TVP23A: variants seen among roughly 807,000 people sequenced by gnomAD.
TVP23A encodes the protein trans-golgi network vesicle protein 23 homolog A, also known as Golgi apparatus membrane protein TVP23 homolog A.
Under a neutral mutation model 31.7 loss-of-function variants are expected in TVP23A, and 21 were observed. The observed-to-expected ratio is 0.66, with a 90% CI of 0.47 to 0.95. The LOEUF is 0.95. TVP23A is among the 40% of genes least tolerant of loss of function. The probability of loss-of-function intolerance (pLI) is 0.00; values close to 1 mark genes in which losing one functional copy is unlikely to be tolerated. For missense variants in TVP23A, 279 were observed against 255.6 expected (o/e 1.09, Z -0.62); for synonymous variants, 104 against 96.0 (o/e 1.08, Z -0.49).
At position 10,767,271 on chromosome 16, in the gene TVP23A, G is replaced by C. The variant is rs1189232094; in HGVS notation, c.*1831C>G. On this transcript the variant is annotated 3_prime_UTR_variant, in exon 8 of 8. Transcript: ENST00000299866. This position sits in a 1 kb window ranked among gnomAD's most constrained non-coding sequence, Gnocchi z 4.6. ...CTAGCCCCTTGTGTCCTGTCCACCT[G>C]GCTCTGGGATAACATGGTCCTAGAG... is the stretch of plus-strand genomic sequence containing the variant. 5.0e-6 allele frequency: 2 copies of C among 398,996 alleles called. No individual in the cohort carries two copies. The highest frequency in any genetic ancestry group is 4.4e-5 in the Admixed American group (1 of 22,720). 24.7% of individuals were successfully genotyped at this position (398,996 alleles called of 1,614,324 possible).
intron 2 of TVP23A, among the ~76,000 whole-genome samples, chr16:10,791,859 C>T (rs1261188023): frequency 6.6e-6 from 1 of 152,240 alleles, no homozygotes; most frequent in Admixed American, 6.5e-5. Context: ...TCATGATCCG[C>T]CCGCCTCGGC....
chr16:10,762,895 A>T (rs985915780), downstream of TVP23A, among the ~76,000 whole-genome samples: 1 of 148,126 alleles, frequency 6.8e-6, no homozygotes, highest in African/African-American at 2.4e-5. Flanking sequence ...GAAGGGCTGC[A>T]TGGGGAGAAT....
intron 2 of TVP23A, among the ~76,000 whole-genome samples, chr16:10,811,908 A>T (rs1264796091): frequency 4.6e-5 from 7 of 150,778 alleles, no homozygotes; most frequent in Admixed American, 4.6e-4. Context: ...CGTCTCAAAA[A>T]AAAAAAAAAA....
At position 10,777,120 on chromosome 16, in the gene TVP23A, C is replaced by A. The variant is rs1220268258; in HGVS notation, c.90-2024G>T. 2.6e-5 allele frequency among the ~76,000 whole-genome samples: 4 copies of A among 152,142 alleles called. No individual in the cohort carries two copies. The highest frequency in any genetic ancestry group is 5.9e-5 in the Non-Finnish European group (4 of 68,040). ...TTCAAGATGGAGTTGCTCTGGTTCA[C>A]ACGCCTCTGACACAGTGATGGATGA... On this transcript the variant is annotated intron_variant, in intron 2 of 7. Transcript: ENST00000299866. The surrounding 1 kb of genome is among the most constrained non-coding windows in gnomAD (Gnocchi z 4.5).
chr16:10,797,576 C>A (rs1431542084), intron 2 of TVP23A, among the ~76,000 whole-genome samples: 3 of 149,762 alleles, frequency 2.0e-5, no homozygotes, highest in Admixed American at 2.0e-4. Context: ...TGATTCTTAT[C>A]AAAAATTAGC....
intron 2 of TVP23A, among the ~76,000 whole-genome samples, chr16:10,804,705 C>A (rs533462225): frequency 6.6e-6 from 1 of 152,178 alleles, no homozygotes; most frequent in South Asian, 2.1e-4. Flanking sequence ...GTGATCATGC[C>A]ACTGCACTCC....
rs747824690 is a variant in TVP23A at position 10,773,307 on chromosome 16, C to A, written c.453+6G>T. The A allele has an allele frequency of 1.9e-6, 3 of 1,600,106 alleles. No individual in the cohort carries two copies. The highest frequency in any genetic ancestry group is 2.6e-6 in the Non-Finnish European group (3 of 1,175,966). ...AAGCAATGTGGAAGTCAAGATCTGG[C>A]CTTACCAGCCACTTTAGCTTCAAGG... On this transcript the variant is annotated splice_donor_region_variant and intron_variant, in intron 5 of 7. Transcript: ENST00000299866.
chr16:10,810,724 C>T (rs2034158291), intron 2 of TVP23A, among the ~76,000 whole-genome samples: 1 of 152,094 alleles, frequency 6.6e-6, no homozygotes. Flanking sequence ...GACATCATAC[C>T]TCCTGGTTTT....
In TVP23A at chr16:10,818,660, G is replaced by T. The variant is rs967848130; in HGVS notation, c.-167C>A. On this transcript the variant is annotated 5_prime_UTR_variant, in exon 1 of 8. Transcript: ENST00000299866. The surrounding 1 kb of genome is among the most constrained non-coding windows in gnomAD (Gnocchi z 4.7). ...GCCTCAGCGCAGCTTCTCGGGTGGG[G>T]CGGGGCGCTCGGGGCCTAAGGCGCA... 5 of 824,102 alleles carry T rather than the reference G, an allele frequency of 6.1e-6. No homozygotes were observed. Among genetic ancestry groups the T allele is most frequent in the African/African-American group, 5.5e-5 (3 of 54,612 alleles). The allele number at this position is 824,102 out of a possible 1,614,324, so 51.0% of individuals were successfully genotyped here.
intron 2 of TVP23A, chr16:10,808,696 G>C (rs2034057031): frequency 2.8e-6 from 1 of 363,624 alleles, no homozygotes. Flanking sequence ...AGGATTGCTT[G>C]AGCTCAGGGG....
intron 2 of TVP23A, among the ~76,000 whole-genome samples, chr16:10,806,472 C>T (rs1459376486): frequency 1.3e-5 from 2 of 152,168 alleles, no homozygotes; most frequent in African/African-American, 4.8e-5. Flanking sequence ...GGTCACAGGT[C>T]AGCAGAAATC....
chr16:10,806,647 G>A (rs1026684158), intron 2 of TVP23A, among the ~76,000 whole-genome samples: 14 of 152,016 alleles, frequency 9.2e-5, no homozygotes, highest in African/African-American at 2.9e-4. Flanking sequence ...GATTACAGGC[G>A]CCTGCCATCA....
At chr16:10,758,604 G>A (rs1336566384), downstream of TVP23A, among the ~76,000 whole-genome samples, 1 of 152,120 alleles carries the variant, frequency 6.6e-6, no homozygotes, top group Non-Finnish European at 1.5e-5. Flanking sequence ...AACTTTCCTT[G>A]AGGAAACTAG....
At chr16:10,761,150 A>G, downstream of TVP23A, 1 of 457,334 alleles carries the variant, frequency 2.2e-6, no homozygotes, top group Non-Finnish European at 4.0e-6. Context: ...ACCTCCCACC[A>G]GGAACTGCCT....
intron 2 of TVP23A, among the ~76,000 whole-genome samples, chr16:10,804,257 C>T (rs993269678): frequency 2.6e-5 from 4 of 152,158 alleles, no homozygotes; most frequent in Non-Finnish European, 5.9e-5. Context: ...CCTCTTGGGC[C>T]CCTGGAAAAT....
At chr16:10,795,048 G>A (rs2033310385) in intron 2 of TVP23A, among the ~76,000 whole-genome samples, 1 of 152,014 alleles carries the variant, frequency 6.6e-6, no homozygotes, top group South Asian at 2.1e-4. Context: ...CACACAATGG[G>A]GCAGGGACAT....
intron 6 of TVP23A, among the ~76,000 whole-genome samples, chr16:10,771,003 A>C (rs1328721364): frequency 6.6e-6 from 1 of 152,070 alleles, no homozygotes; most frequent in African/African-American, 2.4e-5. Context: ...CACTTATAGG[A>C]GGTCCCTAGG....
At chr16:10,765,182 A>G (rs1187900000), downstream of TVP23A, 1 of 152,630 alleles carries the variant, frequency 6.6e-6, no homozygotes, top group Non-Finnish European at 1.5e-5. The surrounding 1 kb of genome is among the most constrained non-coding windows in gnomAD (Gnocchi z 4.0). Flanking sequence ...CACATTTTCC[A>G]AGGTTTAATG....
At chr16:10,801,929 G>A (rs566836725) in intron 2 of TVP23A, among the ~76,000 whole-genome samples, 9 of 152,144 alleles carry the variant, frequency 5.9e-5, no homozygotes, top group East Asian at 1.9e-4. Flanking sequence ...CCAGCACTCC[G>A]AAAGGCCAAG....
Sources: allele counts gnomAD v4.1 joint callset (sites outside exome capture counted in the v4.1 genomes callset), GRCh38; gene constraint gnomAD v4.1.1; non-coding constraint Gnocchi (gnomAD v3.1); transcripts MANE v1.5; gene names NCBI Gene and HGNC (gene_info 2026-07-23, HGNC 2026-07-21).